Variants in IL24 observed in about 807,000 individuals in gnomAD.
IL24 encodes the protein interleukin 24.
In IL24, 24 loss-of-function variants were observed where a neutral mutation model predicts 27.6. The observed-to-expected ratio is 0.87, with a 90% CI of 0.63 to 1.22. The LOEUF (loss-of-function observed/expected upper bound fraction) is 1.22, where lower values mean the gene tolerates loss of function less well. Among genes scored for constraint, IL24 ranks in the 50% most tolerant of loss-of-function variants. IL24 has a pLI of 0.00. For missense variants in IL24, 240 were observed against 237.0 expected, an observed-to-expected ratio of 1.01 and a Z score of -0.08; for synonymous variants, 99 against 93.1, an observed-to-expected ratio of 1.06 and a Z score of -0.36.
rs1245924900 is a variant in IL24, at chr1:206,899,366, G to C, written c.91G>C (p.Val31Leu). ...LLATASQMQM[V>L]VLPCLGFTLL... Reference sequence around the variant, plus strand: ...GGCGACAGCCTCTCAAATGCAGATGGTTGTGCTCCCTTGCCTGGGTTTTAC... The same window carrying C: ...GGCGACAGCCTCTCAAATGCAGATGCTTGTGCTCCCTTGCCTGGGTTTTAC... Residue 31 changes from valine to leucine, a missense_variant, in exon 3 of 7, where the codon GTT (valine) becomes CTT (leucine). Physicochemically the swap from Val to Leu is conservative, Grantham distance 32. Coordinates refer to ENST00000294984, the MANE Select transcript of IL24 (RefSeq NM_006850.3). 1 of 1,614,188 alleles carries C rather than the reference G, an allele frequency of 6.2e-7. No individual in the cohort carries two copies. The highest frequency in any genetic ancestry group is 8.5e-7 in the Non-Finnish European group (1 of 1,180,022).
chr1:206,897,817 A>C lies in IL24; in HGVS notation c.-16A>C. 6.2e-7 allele frequency: 1 copy of C among 1,612,636 alleles called. No homozygotes were observed. The highest frequency in any genetic ancestry group is 2.2e-5 in the East Asian group (1 of 44,846). The stretch of plus-strand genomic sequence containing the variant: ...GCTGCTTGGGAGGAAGGCCAGGAGG[A>C]ACACGAGACTGAGAGATGAATTTTC... On this transcript the variant is annotated 5_prime_UTR_variant, in exon 2 of 7. Coordinates refer to ENST00000294984, the MANE Select transcript of IL24 (RefSeq NM_006850.3).
At chr1:206,899,243 C>T in intron 2 of IL24, 77 bp from the exon 3 acceptor site, 3 of 1,471,908 alleles carry the variant, frequency 2.0e-6, no homozygotes, top group Admixed American at 3.8e-5. Flanking sequence ...CGGGGAGACC[C>T]TCGGAGCATT....
In IL24 at chr1:206,899,535, G is replaced by A. The variant is rs763091060; in HGVS notation, c.240+20G>A. On this transcript the variant is annotated intron_variant, in intron 3 of 6. Transcript: ENST00000294984. ...ACTATGGTGAGTAAAGTGCTGTTCT[G>A]GACCCAGTCGTGGGGGTTCCTGGGG... 4 of 1,541,464 alleles carry A rather than the reference G, an allele frequency of 2.6e-6. No homozygotes were observed. In the African/African-American group the frequency reaches 4.1e-5, roughly 16 times the overall value.
rs766812697 is a variant in IL24, at chr1:206,903,070, C to G, written c.*11C>G. ...TTCTACAAGCTCTGAATGTCTAGACCAGGACCTCCCTCCCCCTGGCACTGG... is the reference window on the plus strand; with the variant it reads ...TTCTACAAGCTCTGAATGTCTAGACGAGGACCTCCCTCCCCCTGGCACTGG... On this transcript the variant is annotated 3_prime_UTR_variant, in exon 7 of 7. Transcript: ENST00000294984. 1.2e-6 allele frequency: 2 copies of G among 1,603,050 alleles called. No homozygotes were observed. Among genetic ancestry groups the G allele is most frequent in the South Asian group, 1.1e-5 (1 of 90,846 alleles).
At chr1:206,899,578 C>T (rs536382216) in intron 3 of IL24, 63 bp downstream of exon 3, 16 of 1,312,666 alleles carry the variant, frequency 1.2e-5, no homozygotes, top group Admixed American at 1.2e-4. Context: ...GCCAGTGGGG[C>T]GAGGGGATGC....
intron 4 of IL24, among the ~76,000 whole-genome samples, chr1:206,900,754 A>G (rs572227816): frequency 1.3e-4 from 19 of 151,788 alleles, no homozygotes; most frequent in Admixed American, 1.0e-3. Flanking sequence ...TAGACTGGAT[A>G]GATTTAGGGG....
rs1347729027 is a variant in IL24 at position 206,903,144 on chromosome 1, T to C, written c.*85T>C. 4 of 1,173,628 alleles carry C rather than the reference T, an allele frequency of 3.4e-6. No homozygotes were observed. Among genetic ancestry groups the C allele is most frequent in the African/African-American group, 3.0e-5 (2 of 66,332 alleles). The allele number at this position is 1,173,628 out of a possible 1,614,324, so 72.7% of individuals were successfully genotyped here. A position where few individuals can be genotyped will look rare whatever the true frequency, so the allele number is the denominator to read the frequency against. ...CAGTCTCCCTTCCTATGCTGTTCAC[T>C]GGACACTTCACGCCCTTGGCCATGG... On this transcript the variant is annotated 3_prime_UTR_variant, in exon 7 of 7. Transcript: ENST00000294984.
rs776658873 is a variant in IL24, at chr1:206,902,031, G to A, written c.496G>A (p.Ala166Thr). The change falls in exon 6 of 7, where the codon GCA becomes ACA. Residue 166 changes from alanine to threonine, a missense_variant. Transcript: ENST00000294984. ...TGAGATGTTTTCCATCAGAGACAGT[G>A]CACACAGGCGGTTTCTGCTATTCCG... ...ENEMFSIRDS[A>T]HRRFLLFRRA... 2 of 1,614,132 alleles carry A rather than the reference G, an allele frequency of 1.2e-6. No homozygotes were observed. The highest frequency in any genetic ancestry group is 2.2e-5 in the East Asian group (1 of 44,882).
At position 206,902,009 on chromosome 1, in the gene IL24, G is replaced by A. The variant is rs1331246506; in HGVS notation, c.474G>A (p.Glu158=). 6.2e-7 allele frequency: 1 copy of A among 1,614,038 alleles called. No homozygotes were observed. The highest frequency in any genetic ancestry group is 1.3e-5 in the African/African-American group (1 of 74,918). Residue 158 remains glutamate (E), a synonymous_variant, in exon 6 of 7, where the codon GAG becomes GAA. Coordinates refer to ENST00000294984, the MANE Select transcript of IL24 (RefSeq NM_006850.3). ...CCCATGTTATGTAGCAAGAAAATGA[G>A]ATGTTTTCCATCAGAGACAGTGCAC... ...VSQLQPSQEN[E]MFSIRDSAHR...
chr1:206,898,688 G>A (rs1024444999), intron 2 of IL24, among the ~76,000 whole-genome samples: 4 of 152,106 alleles, frequency 2.6e-5, no homozygotes, highest in African/African-American at 9.7e-5. Context: ...TCTCTCATTT[G>A]GTTACTAAAA....
intron 5 of IL24, 90 bp downstream of exon 5, chr1:206,901,742 C>A: frequency 8.9e-7 from 1 of 1,120,498 alleles, no homozygotes; most frequent in Non-Finnish European, 1.3e-6. Flanking sequence ...CAAAGTCCTC[C>A]ACCTCCCTGG....
chr1:206,899,349 C>T lies in IL24; in HGVS notation c.74C>T (p.Ala25Val), dbSNP rs1466931730. The T allele has an allele frequency of 1.2e-6, 2 of 1,614,156 alleles. No homozygotes were observed. Among genetic ancestry groups the T allele is most frequent in the Non-Finnish European group, 1.7e-6 (2 of 1,180,002 alleles). ...TTCTGCCCTCCTTTGCTGGCGACAG[C>T]CTCTCAAATGCAGATGGTTGTGCTC... The part of the protein sequence containing the change: ...RPFCPPLLAT[A>V]SQMQMVVLPC... The change falls in exon 3 of 7, where the codon GCC becomes GTC. Residue 25 changes from alanine (A) to valine (V), a missense_variant. Physicochemically the swap from Ala to Val is moderately conservative, Grantham distance 64. Coordinates refer to ENST00000294984, the MANE Select transcript of IL24 (RefSeq NM_006850.3).
chr1:206,900,067 T>A (rs528527302), intron 3 of IL24, among the ~76,000 whole-genome samples: 2 of 152,248 alleles, frequency 1.3e-5, no homozygotes, highest in Non-Finnish European at 2.9e-5. Flanking sequence ...TGGGACTCCA[T>A]TTGCTCCTGG....
chr1:206,901,094 C>A (rs1461612142), intron 4 of IL24, among the ~76,000 whole-genome samples: 1 of 152,154 alleles, frequency 6.6e-6, no homozygotes. Flanking sequence ...TGTTCTCAGT[C>A]ATTTTCCAGC....
rs1678494398 is a variant in IL24, at chr1:206,903,703, TC to T, written c.*645del. ...CACCCACACTCGCCAGCTCACCCCATCATCCCTTTCCCTTGGTGCCCTCCTT... is the reference window on the plus strand; with the variant it reads ...CACCCACACTCGCCAGCTCACCCCATATCCCTTTCCCTTGGTGCCCTCCTT... On this transcript the variant is annotated 3_prime_UTR_variant, in exon 7 of 7. Coordinates refer to ENST00000294984, the MANE Select transcript of IL24 (RefSeq NM_006850.3). The T allele has an allele frequency of 6.6e-6, 1 of 152,350 alleles. No individual in the cohort carries two copies. Among genetic ancestry groups the T allele is most frequent in the Non-Finnish European group, 1.5e-5 (1 of 68,056 alleles). 9.4% of individuals were successfully genotyped at this position (152,350 alleles called of 1,614,324 possible).
chr1:206,899,471 C>T lies in IL24; in HGVS notation c.196C>T (p.Pro66Ser). ...FGPCQVKGVV[P>S]QKLWEAFWAV... ...GCCCTGCCAAGTGAAGGGGGTTGTT[C>T]CCCAGAAACTGTGGGAAGCCTTCTG... The change falls in exon 3 of 7, where the codon CCC becomes TCC. Residue 66 changes from proline (P) to serine (S), a missense_variant. Transcript: ENST00000294984. 1 of 1,613,040 alleles carries T rather than the reference C, an allele frequency of 6.2e-7. No individual in the cohort carries two copies. The highest frequency in any genetic ancestry group is 1.7e-4 in the Middle Eastern group (1 of 6,056).
chr1:206,902,133 C>A (rs1259002448), intron 6 of IL24, 61 bp downstream of exon 6: 4 of 1,601,440 alleles, frequency 2.5e-6, no homozygotes, highest in Non-Finnish European at 3.4e-6. Context: ...CACCATCACA[C>A]GAGGGCGCCT....
Position 206,899,334 on chromosome 1 carries a change from C to T in IL24, c.59C>T (p.Pro20Leu). Residue 20 changes from proline to leucine, a missense_variant, in exon 3 of 7, where the codon CCT becomes CTT. Coordinates refer to ENST00000294984, the MANE Select transcript of IL24 (RefSeq NM_006850.3). ...LWTLARPFCP[P>L]LLATASQMQM... ...TCTTTCAGCAGACCCTTCTGCCCTC[C>T]TTTGCTGGCGACAGCCTCTCAAATG... The T allele has an allele frequency of 6.2e-7, 1 of 1,613,990 alleles. No individual in the cohort carries two copies. Among genetic ancestry groups the T allele is most frequent in the Non-Finnish European group, 8.5e-7 (1 of 1,179,926 alleles).
chr1:206,901,445 T>C (rs2102525924), intron 4 of IL24, 49 bp from the exon 5 acceptor site: 1 of 1,561,246 alleles, frequency 6.4e-7, no homozygotes, highest in Non-Finnish European at 8.7e-7. Context: ...CTTCAGGGGG[T>C]CAGGGTGGGC....
Sources: gnomAD v4.1 joint callset for allele counts (sites outside exome capture counted in the v4.1 genomes callset) on GRCh38, gnomAD v4.1.1 for gene constraint, MANE v1.5 for transcripts, NCBI Gene and HGNC (gene_info 2026-07-23, HGNC 2026-07-21) for gene names.